Variants in ITGA11 observed in about 807,000 individuals in gnomAD.
The protein encoded by ITGA11 is integrin subunit alpha 11.
In ITGA11, 97 loss-of-function variants were observed where a neutral mutation model predicts 141.9. The observed-to-expected ratio is 0.68, with a 90% CI of 0.58 to 0.81. The LOEUF is 0.81. ITGA11 is among the 30% of genes least tolerant of loss of function. The pLI is 0.00. For missense variants in ITGA11, 1,387 were observed against 1,559.2 expected, an observed-to-expected ratio of 0.89 and a Z score of 1.86; for synonymous variants, 658 against 624.6, an observed-to-expected ratio of 1.05 and a Z score of -0.80.
At chr15:68,327,212 C>A in intron 16 of ITGA11, among the ~76,000 whole-genome samples, 1 of 152,248 alleles carries the variant, frequency 6.6e-6, no homozygotes, top group Middle Eastern at 3.4e-3. Flanking sequence ...TGGGTACTTC[C>A]TCTCACACCA....
At position 68,303,743 on chromosome 15, in the gene ITGA11, C is replaced by T. The variant is rs909561799; in HGVS notation, c.3495+29G>A. The T allele has an allele frequency of 2.0e-6, 3 of 1,505,318 alleles. No homozygotes were observed. The highest frequency in any genetic ancestry group is 1.4e-5 in the African/African-American group (1 of 72,658). 93.2% of individuals were successfully genotyped at this position (1,505,318 alleles called of 1,614,324 possible). A position where few individuals can be genotyped will look rare whatever the true frequency, so the allele number is the denominator to read the frequency against. ...CCTGGGCCCACCAGCCAGGATGCTG[C>T]TCCTTCCCTCCCCTGCCAGGGCCCT... is the stretch of plus-strand genomic sequence containing the variant. On this transcript the variant is annotated intron_variant, in intron 29 of 29. Coordinates refer to ENST00000315757, the MANE Select transcript of ITGA11 (RefSeq NM_001004439.2). The surrounding 1 kb of genome is among the most constrained non-coding windows in gnomAD (Gnocchi z 5.3).
rs1334367473 is a variant in ITGA11 at position 68,331,143 on chromosome 15, T to C, written c.1771-32A>G. 7.9e-6 allele frequency: 12 copies of C among 1,519,044 alleles called. No homozygotes were observed. In the South Asian group the frequency reaches 1.2e-4, roughly 15 times the overall value. 94.1% of individuals were successfully genotyped at this position (1,519,044 alleles called of 1,614,324 possible). A position where few individuals can be genotyped will look rare whatever the true frequency, so the allele number is the denominator to read the frequency against. On this transcript the variant is annotated intron_variant, in intron 14 of 29. Coordinates refer to ENST00000315757, the MANE Select transcript of ITGA11 (RefSeq NM_001004439.2). ...GGCGCGGGAAGAGAGGGGGAGGGCA[T>C]GCACACTGTGAGTGTGGGGGCGGGC...
chr15:68,344,379 C>G (rs945680203), intron 10 of ITGA11, among the ~76,000 whole-genome samples: 1 of 152,180 alleles, frequency 6.6e-6, no homozygotes, highest in Non-Finnish European at 1.5e-5. Context: ...GAATCAGATA[C>G]GCAAAACCAG....
intron 26 of ITGA11, among the ~76,000 whole-genome samples, chr15:68,310,735 G>A (rs1189692367): frequency 6.6e-6 from 1 of 152,168 alleles, no homozygotes; most frequent in African/African-American, 2.4e-5. Context: ...CGTTTGCCTG[G>A]CACACCACAG....
At chr15:68,313,983 A>C in intron 22 of ITGA11, 115 bp from the exon 23 acceptor site, 2 of 771,882 alleles carry the variant, frequency 2.6e-6, no homozygotes, top group Non-Finnish European at 4.4e-6. Context: ...GCTGATGGGC[A>C]CCAGACAGGC....
chr15:68,320,169 G>T lies in ITGA11; in HGVS notation c.2616+16C>A, dbSNP rs200755258. The T allele has an allele frequency of 2.5e-6, 4 of 1,612,496 alleles. No homozygotes were observed. The highest frequency in any genetic ancestry group is 3.4e-6 in the Non-Finnish European group (4 of 1,178,754). ...TGCCAGGCAGAGGCAGTCTGGGCAG[G>T]TCGCTGAGGTCTTACCTTCTGGATC... is the stretch of plus-strand genomic sequence containing the variant. On this transcript the variant is annotated intron_variant, in intron 20 of 29. Coordinates refer to ENST00000315757, the MANE Select transcript of ITGA11 (RefSeq NM_001004439.2).
rs377406273 is a variant in ITGA11 at position 68,303,767 on chromosome 15, C to T, written c.3495+5G>A. The stretch of plus-strand genomic sequence containing the variant: ...GCTCCTTCCCTCCCCTGCCAGGGCC[C>T]TCACCTTCCACAGTGCCAGGACCAG... On this transcript the variant is annotated splice_donor_5th_base_variant and intron_variant, in intron 29 of 29. Coordinates refer to ENST00000315757, the MANE Select transcript of ITGA11 (RefSeq NM_001004439.2). This position sits in a 1 kb window ranked among gnomAD's most constrained non-coding sequence, Gnocchi z 5.3. 35 of 1,599,406 alleles carry T rather than the reference C, an allele frequency of 2.2e-5. No homozygotes were observed. In the African/African-American group the frequency reaches 4.4e-4, roughly 20 times the overall value.
At chr15:68,409,939 C>T (rs890526193) in intron 1 of ITGA11, among the ~76,000 whole-genome samples, 41 of 152,212 alleles carry the variant, frequency 2.7e-4, no homozygotes, top group Non-Finnish European at 5.0e-4. Flanking sequence ...CACCACCGAC[C>T]GTCGTCAGTC....
At chr15:68,346,925 C>T (rs1894761704) in intron 10 of ITGA11, among the ~76,000 whole-genome samples, 1 of 152,164 alleles carries the variant, frequency 6.6e-6, no homozygotes. Flanking sequence ...GGGGGGCCTC[C>T]AGGTATTGTA....
At chr15:68,306,072 A>T (rs11634149) in intron 28 of ITGA11, among the ~76,000 whole-genome samples, 1 of 148,976 alleles carries the variant, frequency 6.7e-6, no homozygotes, top group Non-Finnish European at 1.5e-5. Flanking sequence ...CGCCTGTAAT[A>T]CCTGCTACCC....
chr15:68,421,684 G>C (rs1897021056), intron 1 of ITGA11, among the ~76,000 whole-genome samples: 1 of 132,490 alleles, frequency 7.5e-6, no homozygotes. Context: ...TCACACAAAG[G>C]TGATGTGGGG....
chr15:68,365,734 CCTTTT>C (rs749793163), intron 3 of ITGA11, among the ~76,000 whole-genome samples: 33 of 151,598 alleles, frequency 2.2e-4, no homozygotes, highest in Non-Finnish European at 3.1e-4. Flanking sequence ...CCCTCCCCTC[CCTTTT>C]CTTTTCTTTT....
intron 2 of ITGA11, among the ~76,000 whole-genome samples, chr15:68,396,828 AAT>A (rs982101404): frequency 6.9e-4 from 98 of 141,764 alleles, no homozygotes; most frequent in Non-Finnish European, 1.1e-3. Context: ...ATAAAATATA[AAT>A]ATATAATATG....
intron 1 of ITGA11, among the ~76,000 whole-genome samples, chr15:68,411,707 A>G (rs140535639): frequency 1.3e-5 from 2 of 152,272 alleles, no homozygotes; most frequent in East Asian, 1.9e-4. Flanking sequence ...ACCCTTTACC[A>G]TGGGACTTTG....
intron 21 of ITGA11, among the ~76,000 whole-genome samples, chr15:68,316,163 C>A (rs1893568076): frequency 6.6e-6 from 1 of 152,206 alleles, no homozygotes; most frequent in African/African-American, 2.4e-5. Context: ...GCCTTGTCCA[C>A]CTCTTCTTTG....
intron 2 of ITGA11, among the ~76,000 whole-genome samples, chr15:68,400,887 ATAT>A (rs1463615974): frequency 4.4e-4 from 26 of 58,918 alleles, no homozygotes; most frequent in African/African-American, 1.1e-3. Context: ...TATATAATAA[ATAT>A]TATAATATTA....
At position 68,305,826 on chromosome 15, in the gene ITGA11, C is replaced by A. The variant is rs118115766; in HGVS notation, c.3381+1522G>T. Among the ~76,000 whole-genome samples, 1 of 152,108 alleles carries A rather than the reference C, an allele frequency of 6.6e-6. No homozygotes were observed. Among genetic ancestry groups the A allele is most frequent in the Non-Finnish European group, 1.5e-5 (1 of 68,006 alleles). On this transcript the variant is annotated intron_variant, in intron 28 of 29. Coordinates refer to ENST00000315757, the MANE Select transcript of ITGA11 (RefSeq NM_001004439.2). This position sits in a 1 kb window ranked among gnomAD's most constrained non-coding sequence, Gnocchi z 4.6. Reference sequence around the variant, plus strand: ...CGGGCACCTGGCTCTGCCTCCCCAGCGCCAGCACCTAGCACACAGCCCAGC... The same window carrying A: ...CGGGCACCTGGCTCTGCCTCCCCAGAGCCAGCACCTAGCACACAGCCCAGC...
Position 68,331,898 on chromosome 15 carries a change from G to T in ITGA11, c.1731C>A (p.Phe577Leu), listed in dbSNP as rs1032771262. 7 of 1,613,244 alleles carry T rather than the reference G, an allele frequency of 4.3e-6. No homozygotes were observed. Among genetic ancestry groups the T allele is most frequent in the Non-Finnish European group, 5.9e-6 (7 of 1,179,708 alleles). ...TCAGGATGCTGCCTCGGAAGCCGTG[G>T]AAGATGTAGATGGCTCCTGCGTGGT... ...EDNHAGAIYI[F>L]HGFRGSILKT... Residue 577 changes from phenylalanine to leucine, a missense_variant, in exon 14 of 30, where the codon TTC becomes TTA. Phe to Leu is a conservative substitution (Grantham distance 22). Transcript: ENST00000315757.
intron 2 of ITGA11, among the ~76,000 whole-genome samples, chr15:68,388,358 C>A (rs1034814622): frequency 6.6e-6 from 1 of 151,934 alleles, no homozygotes; most frequent in Admixed American, 6.6e-5. Context: ...CAGATTCTTC[C>A]TTTCCCTCAT....
Sources: allele counts gnomAD v4.1 joint callset (sites outside exome capture counted in the v4.1 genomes callset), GRCh38; gene constraint gnomAD v4.1.1; non-coding constraint Gnocchi (gnomAD v3.1); transcripts MANE v1.5; gene names NCBI Gene and HGNC (gene_info 2026-07-23, HGNC 2026-07-21).